Variants in SPAG16 observed in about 807,000 individuals in gnomAD.
SPAG16 encodes the protein sperm-associated antigen 16 protein.
In SPAG16, 86 loss-of-function variants were observed where a neutral mutation model predicts 80.4. That is an observed-to-expected ratio of 1.07 (90% confidence interval 0.90 to 1.28). The LOEUF is 1.28. Among genes scored for constraint, SPAG16 ranks in the 50% most tolerant of loss-of-function variants. The pLI is 0.00. For missense variants in SPAG16, 870 were observed against 765.3 expected, an observed-to-expected ratio of 1.14 and a Z score of -1.61; for synonymous variants, 294 against 265.9, an observed-to-expected ratio of 1.11 and a Z score of -1.03.
At chr2:213,357,209 G>A (rs889635703) in intron 7 of SPAG16, among the ~76,000 whole-genome samples, 5 of 152,124 alleles carry the variant, frequency 3.3e-5, no homozygotes, top group African/African-American at 1.2e-4. Flanking sequence ...GCGCGATATG[G>A]TGCCAAGCAG....
At chr2:213,416,914 C>T (rs72939090) in intron 9 of SPAG16, among the ~76,000 whole-genome samples, 33,100 of 152,162 alleles carry the variant, frequency 0.22, 4,435 homozygotes, top group Non-Finnish European at 0.31. Flanking sequence ...GAGGTTTCCA[C>T]AGGAAGGGCA....
chr2:213,389,887 A>G (rs1458465595), intron 9 of SPAG16, among the ~76,000 whole-genome samples: 1 of 152,218 alleles, frequency 6.6e-6, no homozygotes, highest in Admixed American at 6.5e-5. Flanking sequence ...TTCTGCCTAT[A>G]TACACAAAAG....
At chr2:214,271,842 ACC>A (rs201033653) in intron 15 of SPAG16, among the ~76,000 whole-genome samples, 36 of 135,724 alleles carry the variant, frequency 2.7e-4, no homozygotes, top group African/African-American at 8.7e-4. Flanking sequence ...ACTGTGGGAA[ACC>A]CCCCCCCCAA....
At chr2:214,060,072 G>A (rs2050176275) in intron 13 of SPAG16, among the ~76,000 whole-genome samples, 2 of 152,144 alleles carry the variant, frequency 1.3e-5, no homozygotes, top group African/African-American at 2.4e-5. Context: ...GCCTAAGAGA[G>A]TAACTGGGAT....
At chr2:213,305,010 T>C (rs1221300605) in intron 3 of SPAG16, among the ~76,000 whole-genome samples, 2 of 152,194 alleles carry the variant, frequency 1.3e-5, no homozygotes, top group African/African-American at 4.8e-5. Context: ...TCCATGAACA[T>C]GGACTATCTT....
chr2:213,803,824 A>G (rs1202903738), intron 10 of SPAG16, among the ~76,000 whole-genome samples: 27 of 152,298 alleles, frequency 1.8e-4, no homozygotes, highest in Non-Finnish European at 1.0e-4. Flanking sequence ...TGCAGCCTCA[A>G]ACTCCTGGGC....
intron 7 of SPAG16, among the ~76,000 whole-genome samples, chr2:213,358,820 C>A (rs2065817400): frequency 6.6e-6 from 1 of 152,142 alleles, no homozygotes; most frequent in South Asian, 2.1e-4. Context: ...AGTTGTGATC[C>A]TTTGGAGGAG....
Position 213,801,486 on chromosome 2 carries a change from G to A in SPAG16, c.1071-60999G>A, listed in dbSNP as rs74837283. Reference sequence around the variant, plus strand: ...AGTTCCACAGTCAAATATATATTTTGCAAATCATAAGGCACACAGTCTTTT... The same window carrying A: ...AGTTCCACAGTCAAATATATATTTTACAAATCATAAGGCACACAGTCTTTT... On this transcript the variant is annotated intron_variant, in intron 10 of 15. Transcript: ENST00000331683. Among the ~76,000 whole-genome samples, 1,148 of 152,310 alleles carry A rather than the reference G, an allele frequency of 7.5e-3. 11 individuals carry two copies. Among genetic ancestry groups the A allele is most frequent in the Middle Eastern group, 0.027 (8 of 294 alleles).
intron 8 of SPAG16, among the ~76,000 whole-genome samples, chr2:213,367,631 G>T (rs2066386561): frequency 6.6e-6 from 1 of 151,894 alleles, no homozygotes. Context: ...TGTTGATGGG[G>T]TTGTTTGTTT....
chr2:213,829,260 G>T (rs2073482850), intron 10 of SPAG16, among the ~76,000 whole-genome samples: 1 of 152,084 alleles, frequency 6.6e-6, no homozygotes, highest in South Asian at 2.1e-4. Flanking sequence ...AGAAAGATGA[G>T]CTGGTGTCAT....
At chr2:213,313,554 A>G (rs114376858) in intron 4 of SPAG16, among the ~76,000 whole-genome samples, 1 of 151,826 alleles carries the variant, frequency 6.6e-6, no homozygotes, top group East Asian at 1.9e-4. Flanking sequence ...GGCAGAGTCA[A>G]CCTAGGACAT....
intron 10 of SPAG16, among the ~76,000 whole-genome samples, chr2:213,586,395 C>T (rs1473086912): frequency 6.6e-6 from 1 of 152,164 alleles, no homozygotes; most frequent in Non-Finnish European, 1.5e-5. Flanking sequence ...AACAAGACAG[C>T]TATCTAGCAC....
intron 12 of SPAG16, among the ~76,000 whole-genome samples, chr2:214,007,904 T>C (rs2047098694): frequency 6.6e-6 from 1 of 152,160 alleles, no homozygotes; most frequent in Non-Finnish European, 1.5e-5. Flanking sequence ...GTTGATAGTT[T>C]TCATTAAATT....
At chr2:213,593,386 C>T (rs2060774455) in intron 10 of SPAG16, among the ~76,000 whole-genome samples, 1 of 152,050 alleles carries the variant, frequency 6.6e-6, no homozygotes, top group Non-Finnish European at 1.5e-5. Context: ...TGCTTTTATC[C>T]TTCTCTTTTT....
At chr2:213,880,240 A>C (rs1390442640) in intron 11 of SPAG16, among the ~76,000 whole-genome samples, 2 of 152,064 alleles carry the variant, frequency 1.3e-5, no homozygotes, top group Non-Finnish European at 2.9e-5. Flanking sequence ...GATGATGAGC[A>C]TTTTTTCATG....
chr2:213,598,529 T>C (rs1201851531), intron 10 of SPAG16, among the ~76,000 whole-genome samples: 1 of 152,206 alleles, frequency 6.6e-6, no homozygotes, highest in Non-Finnish European at 1.5e-5. Flanking sequence ...TTCCAGATGA[T>C]TGAAGACTGT....
At position 214,126,044 on chromosome 2, in the gene SPAG16, TTCCTTCCTTCCTTCC is replaced by T. The variant is rs1355816167; in HGVS notation, c.1593+17785_1593+17799del. On this transcript the variant is annotated intron_variant, in intron 14 of 15. Transcript: ENST00000331683. The stretch of plus-strand genomic sequence containing the variant: ...CTTCCTTCCTTCCTTCCTTCCTTCC[TTCCTTCCTTCCTTCC>T]TTTTTTTTTTTTTTTTTTTTTTTGG... Among the ~76,000 whole-genome samples the T allele has an allele frequency of 4.7e-3, 148 of 31,524 alleles. 23 individuals are homozygous for T. The highest frequency in any genetic ancestry group is 0.012 in the Middle Eastern group (1 of 82). 20.7% of individuals were successfully genotyped at this position (31,524 alleles called of 152,430 possible).
chr2:214,003,702 T>C (rs1305691371), intron 12 of SPAG16, among the ~76,000 whole-genome samples: 1 of 152,222 alleles, frequency 6.6e-6, no homozygotes, highest in Non-Finnish European at 1.5e-5. Context: ...AACCAATCAA[T>C]ACCTGCATTG....
rs184971787 is a variant in SPAG16 at position 214,376,949 on chromosome 2, C to T, written c.1721-33191C>T. ...AATTTAAAATTTAGCAAAACATACACATGCAGGCACTTACAGACCATACAT... is the reference window on the plus strand; with the variant it reads ...AATTTAAAATTTAGCAAAACATACATATGCAGGCACTTACAGACCATACAT... On this transcript the variant is annotated intron_variant, in intron 15 of 15. Transcript: ENST00000331683. Among the ~76,000 whole-genome samples, 216 of 152,290 alleles carry T rather than the reference C, an allele frequency of 1.4e-3. 1 individual carries two copies. Among genetic ancestry groups the T allele is most frequent in the African/African-American group, 4.4e-3 (183 of 41,558 alleles).
Sources: allele counts gnomAD v4.1 joint callset (sites outside exome capture counted in the v4.1 genomes callset), GRCh38; gene constraint gnomAD v4.1.1; transcripts MANE v1.5; gene names NCBI Gene and HGNC (gene_info 2026-07-23, HGNC 2026-07-21).